The following SLC19A1 variants were observed in gnomAD, a reference collection of about 807,000 sequenced individuals.
SLC19A1 encodes the protein reduced folate transporter.
In SLC19A1, 37 loss-of-function variants were observed where a neutral mutation model predicts 35.3. That is an observed-to-expected ratio of 1.05 (90% CI 0.81 to 1.38). The LOEUF (loss-of-function observed/expected upper bound fraction) is 1.38. SLC19A1 is among the 40% of genes most tolerant of loss of function. The probability of loss-of-function intolerance (pLI) is 0.00; values close to 1 mark genes in which losing one functional copy is unlikely to be tolerated. For synonymous variants in SLC19A1, 460 were observed against 398.5 expected, an observed-to-expected ratio of 1.15 and a Z score of -1.84; for missense variants, 831 against 826.9, an observed-to-expected ratio of 1.00 and a Z score of -0.06.
chr21:45,507,534 C>T (rs1426240814), intron 3 of SLC19A1: 8 of 1,611,266 alleles, frequency 5.0e-6, no homozygotes, highest in Non-Finnish European at 6.8e-6. Flanking sequence ...GCCGCAGGTC[C>T]TGGGTGACCC....
At chr21:45,508,376 G>A (rs368122096), downstream of SLC19A1, among the ~76,000 whole-genome samples, 262 of 149,874 alleles carry the variant, frequency 1.7e-3, 2 homozygotes, top group African/African-American at 5.8e-3. Flanking sequence ...ATGGGTGGAT[G>A]GATGGTGGGC....
At chr21:45,553,543 G>A (rs1293525647) in intron 1 of SLC19A1, among the ~76,000 whole-genome samples, 6 of 151,280 alleles carry the variant, frequency 4.0e-5, no homozygotes, top group Admixed American at 1.3e-4. Context: ...ACACTGTTGT[G>A]CGGCCGTCAC....
chr21:45,532,044 C>T lies in SLC19A1; in HGVS notation c.294G>A (p.Leu98=). 2.5e-6 allele frequency: 4 copies of T among 1,612,286 alleles called. No homozygotes were observed. The highest frequency in any genetic ancestry group is 3.4e-6 in the Non-Finnish European group (4 of 1,179,890). ...DYLRYTPVLL[L]QGLSFVSVWL... Reference sequence around the variant, plus strand: ...ACACCGACACGAAGCTGAGCCCCTGCAGCAGCAGCACCGGCGTGTAGCGCA... The same window carrying T: ...ACACCGACACGAAGCTGAGCCCCTGTAGCAGCAGCACCGGCGTGTAGCGCA... Residue 98 remains leucine (L), a synonymous_variant, in exon 3 of 6, where the codon CTG becomes CTA. Coordinates refer to ENST00000311124, the MANE Select transcript of SLC19A1 (RefSeq NM_194255.4).
chr21:45,514,962 T>G lies in SLC19A1; in HGVS notation c.*696A>C. On this transcript the variant is annotated 3_prime_UTR_variant, in exon 6 of 6. Transcript: ENST00000311124. ...GGGCTGGCACAAGTGTGGGAGCAGC[T>G]GAGGACCCGCAGGTCAGGATGGACA... is the stretch of plus-strand genomic sequence containing the variant. 8.8e-6 allele frequency: 13 copies of G among 1,483,266 alleles called. No individual in the cohort carries two copies. The highest frequency in any genetic ancestry group is 9.8e-6 in the Non-Finnish European group (11 of 1,119,440). The allele number at this position is 1,483,266 out of a possible 1,614,324, so 91.9% of individuals were successfully genotyped here. A position where few individuals can be genotyped will look rare whatever the true frequency, so the allele number is the denominator to read the frequency against.
rs555277850 is a variant in SLC19A1 at position 45,522,968 on chromosome 21, G to A, written c.1293+2849C>T. 1.6e-3 allele frequency among the ~76,000 whole-genome samples: 240 copies of A among 152,282 alleles called. 1 individual carries two copies. The highest frequency in any genetic ancestry group is 5.5e-3 in the African/African-American group (230 of 41,546). On this transcript the variant is annotated intron_variant, in intron 5 of 5. Coordinates refer to ENST00000311124, the MANE Select transcript of SLC19A1 (RefSeq NM_194255.4). ...CAGAACTGTAAGACGTGACCACTGTGAAAACTGGGTACGGGGTACATGGAT... is the reference window on the plus strand; with the variant it reads ...CAGAACTGTAAGACGTGACCACTGTAAAAACTGGGTACGGGGTACATGGAT...
chr21:45,550,442 G>A lies in SLC19A1; in HGVS notation c.-50+12300C>T, dbSNP rs571668034. On this transcript the variant is annotated intron_variant, in intron 1 of 5. Coordinates refer to the SLC19A1 transcript ENST00000650808. ...ACCCCGTCCACAAGCACAAGTGAAC[G>A]TTTCCACGTGGAAAGGGCTGGTTCT... is the stretch of plus-strand genomic sequence containing the variant. Among the ~76,000 whole-genome samples the A allele has an allele frequency of 3.3e-5, 5 of 152,318 alleles. No homozygotes were observed. The South Asian group carries it at 1.0e-3, about 32-fold the overall frequency.
At chr21:45,532,650 G>T (rs537587825) in intron 2 of SLC19A1, among the ~76,000 whole-genome samples, 3 of 152,100 alleles carry the variant, frequency 2.0e-5, no homozygotes, top group African/African-American at 4.8e-5. Flanking sequence ...GGGCAGGCTG[G>T]TCTCGAACTC....
In SLC19A1 at chr21:45,515,204, A is replaced by G. The variant is rs1568966156; in HGVS notation, c.*454T>C. On this transcript the variant is annotated 3_prime_UTR_variant, in exon 6 of 6. Transcript: ENST00000311124. ...ATCTTTCAAAAAAGCAAGAGCACCA[A>G]GGATGACCAGCAATGTCACAGCTCA... is the stretch of plus-strand genomic sequence containing the variant. The G allele has an allele frequency of 1.3e-6, 2 of 1,518,380 alleles. No individual in the cohort carries two copies. The highest frequency in any genetic ancestry group is 2.3e-5 in the Admixed American group (1 of 43,518). The allele number at this position is 1,518,380 out of a possible 1,614,324, so 94.1% of individuals were successfully genotyped here.
At chr21:45,543,540 T>G (rs754408878), upstream of SLC19A1, among the ~76,000 whole-genome samples, 5 of 152,062 alleles carry the variant, frequency 3.3e-5, no homozygotes, top group Non-Finnish European at 5.9e-5. Context: ...GTTGCGGGGG[T>G]GCTCTTGGTC....
chr21:45,505,498 C>T (rs2037143659), intron 3 of SLC19A1: 1 of 847,948 alleles, frequency 1.2e-6, no homozygotes, highest in Non-Finnish European at 1.9e-6. Flanking sequence ...AGCCCCTGCC[C>T]CTCAGAGACA....
upstream of SLC19A1, among the ~76,000 whole-genome samples, chr21:45,547,253 C>T (rs1000669820): frequency 4.6e-5 from 7 of 152,152 alleles, no homozygotes; most frequent in South Asian, 2.1e-4. Flanking sequence ...ATGGGGGAGA[C>T]AGACCTTGTT....
At chr21:45,545,165 G>A (rs764091945), upstream of SLC19A1, among the ~76,000 whole-genome samples, 2 of 152,148 alleles carry the variant, frequency 1.3e-5, no homozygotes, top group South Asian at 4.1e-4. Context: ...GCGCAGACAC[G>A]CACACACACT....
intron 4 of SLC19A1, among the ~76,000 whole-genome samples, chr21:45,526,518 C>T (rs148094539): frequency 6.6e-6 from 1 of 152,150 alleles, no homozygotes; most frequent in African/African-American, 2.4e-5. Flanking sequence ...GATTTTCCAC[C>T]GGGTTGTCTT....
chr21:45,526,032 C>T (rs572759345), intron 4 of SLC19A1, 74 bp from the exon 5 acceptor site: 569 of 1,530,372 alleles, frequency 3.7e-4, no homozygotes, highest in Non-Finnish European at 4.7e-4. Context: ...GCCTGCAGCC[C>T]GGCTCCCACC....
chr21:45,556,397 G>GGCCTCCCCCGCTGCTCC (rs1390045740), intron 1 of SLC19A1, among the ~76,000 whole-genome samples: 2 of 152,242 alleles, frequency 1.3e-5, no homozygotes, highest in Non-Finnish European at 2.9e-5. Context: ...TCAGCAGCTC[G>GGCCTCCCCCGCTGCTCC]GCCTCCCCCG....
At chr21:45,522,413 A>G (rs1037788110) in intron 5 of SLC19A1, among the ~76,000 whole-genome samples, 3 of 152,332 alleles carry the variant, frequency 2.0e-5, no homozygotes, top group Non-Finnish European at 2.9e-5. Flanking sequence ...TACGACTGCT[A>G]TGGAAAGTGG....
At chr21:45,537,549 G>A (rs1325405696) in intron 2 of SLC19A1, among the ~76,000 whole-genome samples, 4 of 132,614 alleles carry the variant, frequency 3.0e-5, no homozygotes, top group African/African-American at 1.1e-4. Flanking sequence ...ACAGGCGGCC[G>A]CCCGGCACCC....
intron 5 of SLC19A1, among the ~76,000 whole-genome samples, chr21:45,523,556 G>A (rs541618867): frequency 3.9e-5 from 6 of 152,290 alleles, no homozygotes; most frequent in South Asian, 4.1e-4. Flanking sequence ...GAAGCCCACC[G>A]TGAGGGGTCC....
intron 1 of SLC19A1, among the ~76,000 whole-genome samples, chr21:45,557,396 G>A (rs1003393111): frequency 1.3e-5 from 2 of 152,312 alleles, no homozygotes; most frequent in Non-Finnish European, 2.9e-5. Flanking sequence ...TGAACCAGGT[G>A]CTGGCCTGTG....
Sources: allele counts gnomAD v4.1 joint callset (sites outside exome capture counted in the v4.1 genomes callset), GRCh38; gene constraint gnomAD v4.1.1; transcripts MANE v1.5; gene names NCBI Gene and HGNC (gene_info 2026-07-23, HGNC 2026-07-21).